COG6: variants seen among roughly 807,000 people sequenced by gnomAD.
COG6 encodes conserved oligomeric Golgi complex subunit 6.
A neutral mutation model predicts 88.8 loss-of-function variants in COG6; 74 were observed. That is an observed-to-expected ratio of 0.83 (90% CI 0.69 to 1.01). The LOEUF (loss-of-function observed/expected upper bound fraction) is 1.01, where lower values mean the gene tolerates loss of function less well. Ranked by LOEUF, COG6 falls within the 50% of genes least tolerant of loss-of-function variation. COG6 has a pLI of 0.00. For missense variants in COG6, 800 were observed against 797.9 expected, an observed-to-expected ratio of 1.00 and a Z score of -0.03; for synonymous variants, 286 against 278.7, an observed-to-expected ratio of 1.03 and a Z score of -0.26.
At chr13:39,788,413 G>A (rs1881840971) in exon 19 of COG6, 3 of 1,529,686 alleles carry the variant, frequency 2.0e-6, no homozygotes, top group East Asian at 2.5e-5. Flanking sequence ...GTTGTGGGAG[G>A]TGATGTCTCG....
At chr13:39,717,212 G>C (rs1878572076) in intron 13 of COG6, among the ~76,000 whole-genome samples, 1 of 151,984 alleles carries the variant, frequency 6.6e-6, no homozygotes, top group South Asian at 2.1e-4. Context: ...AAAAATCCTT[G>C]TTCATAGTGA....
rs544868647 is a variant in COG6, at chr13:39,771,337, G to A, written c.1827-16998G>A. 7.2e-5 allele frequency among the ~76,000 whole-genome samples: 11 copies of A among 152,280 alleles called. No individual in the cohort carries two copies. In the East Asian group the frequency reaches 7.7e-4, roughly 11 times the overall value. ...ATTTCCAAGCACTTCTTCGTCCATCGTCTCCACACTGGACAAGAATAGCCA... is the reference window on the plus strand; with the variant it reads ...ATTTCCAAGCACTTCTTCGTCCATCATCTCCACACTGGACAAGAATAGCCA... On this transcript the variant is annotated intron_variant, in intron 18 of 18. Transcript: ENST00000416691.
intron 18 of COG6, among the ~76,000 whole-genome samples, chr13:39,777,265 C>T (rs1374094326): frequency 1.3e-5 from 2 of 152,060 alleles, no homozygotes; most frequent in African/African-American, 4.8e-5. Flanking sequence ...CATCCTGGAG[C>T]ACAGAGGGGG....
Position 39,772,235 on chromosome 13 carries a change from C to A in COG6, c.1827-16100C>A, listed in dbSNP as rs4324019. Among the ~76,000 whole-genome samples, 439 of 152,320 alleles carry A rather than the reference C, an allele frequency of 2.9e-3. 3 individuals are homozygous for A. Among genetic ancestry groups the A allele is most frequent in the African/African-American group, 0.01 (425 of 41,572 alleles). ...TTGCTTAACCTCTTACAGTAGTTGT[C>A]AAACTTTTCCTGATTTCCTCTCCTG... On this transcript the variant is annotated intron_variant, in intron 18 of 18. Coordinates refer to the COG6 transcript ENST00000416691.
In COG6 at chr13:39,730,659, A is replaced by AGCTACTT. The variant is rs370486302; in HGVS notation, c.1826+3112_1826+3118dup. Among the ~76,000 whole-genome samples the AGCTACTT allele has an allele frequency of 7.7e-3, 1,151 of 149,148 alleles. 21 individuals carry two copies. Among genetic ancestry groups the AGCTACTT allele is most frequent in the African/African-American group, 0.027 (1,101 of 40,544 alleles). The stretch of plus-strand genomic sequence containing the variant: ...TGTGGTGGTGTGTGCCTGTATTCCC[A>AGCTACTT]GCTACTTAGGAGGCTGAGGCAGGAG... On this transcript the variant is annotated intron_variant, in intron 18 of 18. Transcript: ENST00000455146.
In COG6 at chr13:39,677,501, T is replaced by A; in HGVS notation, c.462T>A (p.Asp154Glu). ...QKLEIRAQVA[D>E]AFLSKFQLTS... Reference sequence around the variant, plus strand: ...TAGAGATAAGAGCTCAAGTTGCAGATGCCTTCTTATCCAAGTTCCAACTGA... The same window carrying A: ...TAGAGATAAGAGCTCAAGTTGCAGAAGCCTTCTTATCCAAGTTCCAACTGA... Residue 154 changes from aspartate (D) to glutamate (E), a missense_variant, in exon 5 of 19, where the codon GAT becomes GAA. By Grantham distance (45) the Asp-to-Glu change is conservative (BLOSUM62 2). Transcript: ENST00000455146. 1.2e-6 allele frequency: 2 copies of A among 1,613,320 alleles called. No individual in the cohort carries two copies. Among genetic ancestry groups the A allele is most frequent in the Non-Finnish European group, 1.7e-6 (2 of 1,179,428 alleles).
chr13:39,655,962 G>T, intron 1 of COG6, 83 bp downstream of exon 1: 3 of 1,503,582 alleles, frequency 2.0e-6, no homozygotes, highest in Non-Finnish European at 9.0e-7. Flanking sequence ...GGGACCCACC[G>T]CGGTCTCCCT....
In COG6 at chr13:39,752,209, G is replaced by A; in HGVS notation, c.*1116G>A. The A allele has an allele frequency of 2.7e-6, 3 of 1,092,946 alleles. No homozygotes were observed. The South Asian group carries it at 4.9e-5, about 18-fold the overall frequency. 67.7% of individuals were successfully genotyped at this position (1,092,946 alleles called of 1,614,324 possible). On this transcript the variant is annotated 3_prime_UTR_variant, in exon 19 of 19. Coordinates refer to ENST00000455146, the MANE Select transcript of COG6 (RefSeq NM_020751.3). ...GGGTAAGTCCCTAAATTACAAATGA[G>A]AAAATTGAAGCACAAGGAAAAAAAT...
chr13:39,727,397 A>C (rs1353240994), intron 17 of COG6, 72 bp from the exon 18 acceptor site: 1 of 1,063,110 alleles, frequency 9.4e-7, no homozygotes, highest in Non-Finnish European at 1.5e-6. Flanking sequence ...TTCTTAAAAG[A>C]GATGTTTATA....
intron 18 of COG6, among the ~76,000 whole-genome samples, chr13:39,742,825 T>C (rs546650343): frequency 2.0e-5 from 3 of 152,114 alleles, no homozygotes; most frequent in Admixed American, 6.6e-5. Context: ...CACATCGCAC[T>C]TATTCCAAAA....
At chr13:39,774,440 C>A (rs1371172071) in intron 18 of COG6, among the ~76,000 whole-genome samples, 16 of 152,102 alleles carry the variant, frequency 1.1e-4, no homozygotes, top group Admixed American at 9.8e-4. Context: ...TTAAAAATTT[C>A]TTTTCACTTC....
At chr13:39,663,863 G>T (rs1378808591) in intron 3 of COG6, among the ~76,000 whole-genome samples, 1 of 150,174 alleles carries the variant, frequency 6.7e-6, no homozygotes, top group Non-Finnish European at 1.5e-5. Context: ...ACTCCAGGCT[G>T]GGTGACAGAG....
chr13:39,781,441 G>GTTTTTTTTTTTTTTT (rs34052593), intron 18 of COG6, among the ~76,000 whole-genome samples: 1 of 142,150 alleles, frequency 7.0e-6, no homozygotes, highest in African/African-American at 2.6e-5. Context: ...AATGCGGAGG[G>GTTTTTTTTTTTTTTT]TTTTTTTTTT....
intron 15 of COG6, among the ~76,000 whole-genome samples, chr13:39,720,072 A>C (rs1399854039): frequency 2.0e-5 from 3 of 151,752 alleles, no homozygotes; most frequent in Non-Finnish European, 4.4e-5. Flanking sequence ...CAGAATGTGT[A>C]ATGTTTAAAA....
chr13:39,752,330 A>T lies in COG6; in HGVS notation c.*1237A>T. 1.2e-6 allele frequency: 1 copy of T among 835,768 alleles called. No homozygotes were observed. The highest frequency in any genetic ancestry group is 1.6e-5 in the South Asian group (1 of 62,464). 51.8% of individuals were successfully genotyped at this position (835,768 alleles called of 1,614,324 possible). A position where few individuals can be genotyped will look rare whatever the true frequency, so the allele number is the denominator to read the frequency against. ...AACAAATTAGTATTTATAGAATATG[A>T]CCTATTTATCTGAAGTTTATAATTG... On this transcript the variant is annotated 3_prime_UTR_variant, in exon 19 of 19. Coordinates refer to ENST00000455146, the MANE Select transcript of COG6 (RefSeq NM_020751.3).
chr13:39,709,608 T>A (rs1413140269), intron 13 of COG6, among the ~76,000 whole-genome samples: 1 of 152,148 alleles, frequency 6.6e-6, no homozygotes, highest in Non-Finnish European at 1.5e-5. Flanking sequence ...GCAAAAGAAA[T>A]GATTTCATTC....
chr13:39,720,295 A>G (rs1878784503), intron 15 of COG6, among the ~76,000 whole-genome samples: 1 of 152,112 alleles, frequency 6.6e-6, no homozygotes, highest in Non-Finnish European at 1.5e-5. Context: ...TTGCTATACC[A>G]ACCACTTGAG....
intron 18 of COG6, among the ~76,000 whole-genome samples, chr13:39,767,757 G>A (rs1593481934): frequency 6.6e-6 from 1 of 152,268 alleles, no homozygotes; most frequent in Non-Finnish European, 1.5e-5. Flanking sequence ...CAGGCCAACA[G>A]CCTCAACTCC....
chr13:39,768,411 C>T (rs984988292), intron 18 of COG6, among the ~76,000 whole-genome samples: 5 of 152,212 alleles, frequency 3.3e-5, no homozygotes, highest in Non-Finnish European at 5.9e-5. Context: ...CCCAGTGGAG[C>T]TCTTGATTGC....
Sources: allele counts gnomAD v4.1 joint callset (sites outside exome capture counted in the v4.1 genomes callset), GRCh38; gene constraint gnomAD v4.1.1; transcripts MANE v1.5; gene names NCBI Gene and HGNC (gene_info 2026-07-23, HGNC 2026-07-21).